Variants in C2CD2 observed in about 807,000 individuals in gnomAD.
C2CD2 encodes the protein C2 calcium dependent domain containing 2.
C2CD2 carries 43 observed loss-of-function variants against 74.3 expected under a neutral mutation model. That is an observed-to-expected ratio of 0.58 (90% CI 0.45 to 0.75). The LOEUF (loss-of-function observed/expected upper bound fraction) is 0.75. C2CD2 is among the 30% of genes least tolerant of loss of function. The pLI, the probability that C2CD2 is intolerant of heterozygous loss-of-function variation, is 0.00. For synonymous variants in C2CD2, 422 were observed against 390.7 expected (o/e 1.08, Z -0.94); for missense variants, 801 against 916.3 (o/e 0.87, Z 1.63).
Position 41,889,055 on chromosome 21 carries a change from G to A in C2CD2, c.*69C>T, listed in dbSNP as rs1254156368. Reference sequence around the variant, plus strand: ...CATCTGGACATCCGGCGGACACACTGGCTGCGTCCTGGTGAGGGTAGTTAA... The same window carrying A: ...CATCTGGACATCCGGCGGACACACTAGCTGCGTCCTGGTGAGGGTAGTTAA... On this transcript the variant is annotated 3_prime_UTR_variant, in exon 14 of 14. Coordinates refer to ENST00000380486, the MANE Select transcript of C2CD2 (RefSeq NM_015500.2). 1 of 1,153,876 alleles carries A rather than the reference G, an allele frequency of 8.7e-7. No homozygotes were observed. Among genetic ancestry groups the A allele is most frequent in the East Asian group, 2.4e-5 (1 of 41,528 alleles). The allele number at this position is 1,153,876 out of a possible 1,614,324, so 71.5% of individuals were successfully genotyped here.
intron 1 of C2CD2, chr21:41,943,041 C>T (rs977444863): frequency 9.8e-6 from 6 of 614,154 alleles, no homozygotes; most frequent in East Asian, 1.4e-4. Context: ...TGGCTCACAC[C>T]GGTAATCCCA....
intron 1 of C2CD2, among the ~76,000 whole-genome samples, chr21:41,946,071 C>T (rs548106381): frequency 6.6e-6 from 1 of 152,232 alleles, no homozygotes; most frequent in Non-Finnish European, 1.5e-5. Context: ...TTCTGTCTTG[C>T]GGGAGAGTTC....
intron 6 of C2CD2, among the ~76,000 whole-genome samples, chr21:41,913,434 C>G (rs1467142111): frequency 6.6e-6 from 1 of 152,228 alleles, no homozygotes; most frequent in East Asian, 1.9e-4. Flanking sequence ...AGAGAAGACT[C>G]AGACCCAGAC....
At chr21:41,932,314 C>T (rs1020845795) in intron 2 of C2CD2, among the ~76,000 whole-genome samples, 5 of 149,934 alleles carry the variant, frequency 3.3e-5, no homozygotes, top group Non-Finnish European at 6.0e-5. Context: ...TCGATGTGGC[C>T]GATCCTGAGT....
intron 6 of C2CD2, among the ~76,000 whole-genome samples, chr21:41,913,669 C>T (rs1227553450): frequency 6.6e-6 from 1 of 152,218 alleles, no homozygotes; most frequent in African/African-American, 2.4e-5. Context: ...GCTTTTGGAA[C>T]TGGAGGAAGC....
At position 41,932,319 on chromosome 21, in the gene C2CD2, C is replaced by A. The variant is rs902409246; in HGVS notation, c.378+9828G>T. Among the ~76,000 whole-genome samples the A allele has an allele frequency of 2.0e-5, 3 of 150,104 alleles. 1 individual carries two copies. Among genetic ancestry groups the A allele is most frequent in the Admixed American group, 1.3e-4 (2 of 14,946 alleles). On this transcript the variant is annotated intron_variant, in intron 2 of 13. Transcript: ENST00000380486. ...AAGCATCCCTTCGATGTGGCCGATC[C>A]TGAGTCATATCCTTCACAATAAACT...
chr21:41,943,662 C>T (rs188514904), intron 1 of C2CD2, among the ~76,000 whole-genome samples: 7 of 152,270 alleles, frequency 4.6e-5, no homozygotes, highest in East Asian at 1.9e-4. Flanking sequence ...AAAACCTTGC[C>T]GTGGCGATTC....
At chr21:41,953,347 G>C (rs771613638) in intron 1 of C2CD2, 23 bp downstream of exon 1, 7 of 1,379,850 alleles carry the variant, frequency 5.1e-6, no homozygotes, top group South Asian at 1.8e-5. Context: ...GCCGCCCCCC[G>C]GCCCGCAGTC....
intron 5 of C2CD2, among the ~76,000 whole-genome samples, chr21:41,915,815 C>G (rs1323557903): frequency 6.6e-6 from 1 of 151,894 alleles, no homozygotes; most frequent in Non-Finnish European, 1.5e-5. Flanking sequence ...TCTAATTATA[C>G]TTTAAGTTTT....
At chr21:41,935,716 G>C (rs775515561) in intron 2 of C2CD2, among the ~76,000 whole-genome samples, 1 of 152,122 alleles carries the variant, frequency 6.6e-6, no homozygotes, top group African/African-American at 2.4e-5. Context: ...ACAGGGCGTG[G>C]TGGTGCACAC....
intron 5 of C2CD2, 29 bp from the exon 6 acceptor site, chr21:41,914,750 G>C: frequency 6.2e-7 from 1 of 1,603,914 alleles, no homozygotes; most frequent in South Asian, 1.1e-5. Context: ...CTTTATTTTT[G>C]GTCTTCATGG....
intron 2 of C2CD2, among the ~76,000 whole-genome samples, chr21:41,928,438 G>A (rs1196942519): frequency 1.4e-5 from 2 of 147,016 alleles, no homozygotes; most frequent in Non-Finnish European, 3.0e-5. Context: ...TCCACCACCC[G>A]CCCTAGGAAA....
At chr21:41,912,171 T>C (rs1268309008) in intron 7 of C2CD2, 161 bp downstream of exon 7, 1 of 552,034 alleles carries the variant, frequency 1.8e-6, no homozygotes, top group Non-Finnish European at 3.2e-6. Flanking sequence ...AAACCCATGT[T>C]TGACCTAAAG....
chr21:41,898,600 G>C (rs2064851515), intron 13 of C2CD2, among the ~76,000 whole-genome samples: 2 of 152,198 alleles, frequency 1.3e-5, no homozygotes, highest in Non-Finnish European at 2.9e-5. Context: ...GAGCCTCCTA[G>C]GGTCAGGTGG....
rs940534271 is a variant in C2CD2, at chr21:41,899,652, G to A, written c.1561-290C>T. On this transcript the variant is annotated intron_variant, in intron 12 of 13. Coordinates refer to ENST00000380486, the MANE Select transcript of C2CD2 (RefSeq NM_015500.2). This position sits in a 1 kb window ranked among gnomAD's most constrained non-coding sequence, Gnocchi z 4.4. The stretch of plus-strand genomic sequence containing the variant: ...CACAGATGGGCCTAGCGGTGGGAGC[G>A]TTTGTGGCAAGCTGCAGAAATGAGA... Among the ~76,000 whole-genome samples the A allele has an allele frequency of 3.9e-5, 6 of 151,942 alleles. No individual in the cohort carries two copies. The highest frequency in any genetic ancestry group is 5.9e-5 in the Non-Finnish European group (4 of 68,000).
intron 2 of C2CD2, among the ~76,000 whole-genome samples, chr21:41,928,953 G>A (rs554930341): frequency 1.4e-4 from 21 of 149,042 alleles, no homozygotes; most frequent in African/African-American, 4.6e-4. Context: ...GTGGGGGCAC[G>A]AGCTTAAGTG....
At chr21:41,890,087 G>C (rs2064732765) in intron 13 of C2CD2, among the ~76,000 whole-genome samples, 1 of 152,082 alleles carries the variant, frequency 6.6e-6, no homozygotes, top group African/African-American at 2.4e-5. Context: ...AGAAAGGATG[G>C]TCACACTCAT....
chr21:41,928,544 C>CAAAAAAAAAAAAA (rs59346777), intron 2 of C2CD2, among the ~76,000 whole-genome samples: 42 of 72,254 alleles, frequency 5.8e-4, no homozygotes, highest in South Asian at 2.0e-3. Flanking sequence ...TAAAGCAAAG[C>CAAAAAAAAAAAAA]AAAAAAAAAA....
At position 41,926,586 on chromosome 21, in the gene C2CD2, C is replaced by G; in HGVS notation, c.379-4501G>C. 1.0e-6 allele frequency: 1 copy of G among 975,016 alleles called. No homozygotes were observed. Among genetic ancestry groups the G allele is most frequent in the Non-Finnish European group, 1.2e-6 (1 of 820,514 alleles). The allele number at this position is 975,016 out of a possible 1,614,324, so 60.4% of individuals were successfully genotyped here. On this transcript the variant is annotated intron_variant, in intron 2 of 13. Coordinates refer to ENST00000380486, the MANE Select transcript of C2CD2 (RefSeq NM_015500.2). This position sits in a 1 kb window ranked among gnomAD's most constrained non-coding sequence, Gnocchi z 8.0. The stretch of plus-strand genomic sequence containing the variant: ...TAGTCACATACCTATGCAAACAGCG[C>G]TTATCTGGAAACTATTCCTTTGTTT...
Sources: allele counts gnomAD v4.1 joint callset (sites outside exome capture counted in the v4.1 genomes callset), GRCh38; gene constraint gnomAD v4.1.1; non-coding constraint Gnocchi (gnomAD v3.1); transcripts MANE v1.5; gene names NCBI Gene and HGNC (gene_info 2026-07-23, HGNC 2026-07-21).